Variants in FOXP2 observed in about 807,000 individuals in gnomAD.
FOXP2 encodes forkhead box P2, also known as forkhead box protein P2.
FOXP2 carries 12 observed loss-of-function variants against 115.8 expected under a neutral mutation model. That is an observed-to-expected ratio of 0.10 (90% CI 0.07 to 0.17). The LOEUF (loss-of-function observed/expected upper bound fraction) is 0.17, where lower values mean the gene tolerates loss of function less well. Among genes scored for constraint, FOXP2 ranks in the 10% least tolerant of loss-of-function variants. The pLI is 1.00. For missense variants in FOXP2, 629 were observed against 843.5 expected, an observed-to-expected ratio of 0.75 and a Z score of 3.15; for synonymous variants, 328 against 297.7, an observed-to-expected ratio of 1.10 and a Z score of -1.05.
intron 2 of FOXP2, among the ~76,000 whole-genome samples, chr7:114,530,234 G>T (rs1799077150): frequency 1.3e-5 from 2 of 151,960 alleles, no homozygotes; most frequent in South Asian, 4.1e-4. Context: ...CATTTGGGCT[G>T]CATCTATTTT....
Position 114,693,542 on chromosome 7 carries a change from T to C in FOXP2, c.*3616T>C, listed in dbSNP as rs532421865. On this transcript the variant is annotated 3_prime_UTR_variant, in exon 17 of 17. Transcript: ENST00000350908. ...TAAAGCTATTGAAAGGAACATGGCT[T>C]ACCCTTGTTATTTCACTAGTTCAGG... The C allele has an allele frequency of 2.2e-6, 1 of 453,442 alleles. No homozygotes were observed. Among genetic ancestry groups the C allele is most frequent in the Admixed American group, 2.4e-5 (1 of 42,506 alleles). 28.1% of individuals were successfully genotyped at this position (453,442 alleles called of 1,614,324 possible). A position where few individuals can be genotyped will look rare whatever the true frequency, so the allele number is the denominator to read the frequency against.
At chr7:114,106,848 CT>C (rs1197004755) in intron 1 of FOXP2, among the ~76,000 whole-genome samples, 3 of 151,826 alleles carry the variant, frequency 2.0e-5, no homozygotes, top group Non-Finnish European at 2.9e-5. Context: ...ATAGAATATT[CT>C]TTTTTTAATC....
chr7:114,354,263 C>T (rs1791562297), intron 2 of FOXP2, among the ~76,000 whole-genome samples: 1 of 152,098 alleles, frequency 6.6e-6, no homozygotes, highest in Admixed American at 6.6e-5. Context: ...TGGACTCAGA[C>T]TGAATTATGC....
intron 3 of FOXP2, chr7:114,538,281 T>G: frequency 8.1e-7 from 1 of 1,227,346 alleles, no homozygotes; most frequent in South Asian, 1.3e-5. Flanking sequence ...TAATTTAGTT[T>G]AGATATGAAA....
At chr7:114,565,432 T>A (rs1230275939) in intron 3 of FOXP2, among the ~76,000 whole-genome samples, 1 of 152,134 alleles carries the variant, frequency 6.6e-6, no homozygotes, top group Non-Finnish European at 1.5e-5. Flanking sequence ...CAAAGTATGA[T>A]CATAGACCTT....
intron 3 of FOXP2, among the ~76,000 whole-genome samples, chr7:114,606,069 G>A (rs1003345525): frequency 6.6e-6 from 1 of 152,126 alleles, no homozygotes; most frequent in Admixed American, 6.5e-5. Context: ...GGACTGAAGA[G>A]GCATTATAGA....
intron 3 of FOXP2, among the ~76,000 whole-genome samples, chr7:114,564,878 C>CA (rs35022872): frequency 0.12 from 10,685 of 88,022 alleles, 815 homozygotes; most frequent in East Asian, 0.33. Context: ...AAGGCCCTGT[C>CA]AAAAAAAAAA....
At chr7:114,461,142 A>G (rs938257906) in intron 2 of FOXP2, among the ~76,000 whole-genome samples, 1 of 152,166 alleles carries the variant, frequency 6.6e-6, no homozygotes, top group Non-Finnish European at 1.5e-5. Flanking sequence ...GTATAATCAT[A>G]CCTATCTTTG....
At chr7:114,197,227 A>G (rs1465196024) in intron 1 of FOXP2, among the ~76,000 whole-genome samples, 2 of 152,102 alleles carry the variant, frequency 1.3e-5, no homozygotes, top group Non-Finnish European at 2.9e-5. Flanking sequence ...AACAAAAAAG[A>G]CCCACCTCAA....
intron 1 of FOXP2, among the ~76,000 whole-genome samples, chr7:114,105,186 GTT>G (rs1030995483): frequency 1.4e-4 from 21 of 152,018 alleles, no homozygotes; most frequent in African/African-American, 4.8e-4. Context: ...GTTTGTACCA[GTT>G]TTTGTGTAAT....
chr7:114,644,896 A>G, intron 8 of FOXP2, 107 bp downstream of exon 8: 3 of 857,776 alleles, frequency 3.5e-6, no homozygotes, highest in Non-Finnish European at 5.6e-6. Flanking sequence ...AAAGTCCATT[A>G]TAAGTCATAC....
intron 3 of FOXP2, among the ~76,000 whole-genome samples, chr7:114,552,082 C>G (rs753993389): frequency 6.6e-6 from 1 of 152,144 alleles, no homozygotes; most frequent in Non-Finnish European, 1.5e-5. Flanking sequence ...TTGATGTTAT[C>G]AGAATTTGTG....
chr7:114,562,764 T>C (rs1024524581), intron 3 of FOXP2, among the ~76,000 whole-genome samples: 3 of 86,750 alleles, frequency 3.5e-5, no homozygotes, highest in East Asian at 7.9e-4. Flanking sequence ...CAGACAATTA[T>C]CTTAACCCTG....
At position 114,415,212 on chromosome 7, in the gene FOXP2, G is replaced by A. The variant is rs1162236325; in HGVS notation, c.-159G>A. 2.2e-6 allele frequency: 1 copy of A among 454,038 alleles called. No individual in the cohort carries two copies. Among genetic ancestry groups the A allele is most frequent in the South Asian group, 1.6e-5 (1 of 64,466 alleles). The allele number at this position is 454,038 out of a possible 1,614,324, so 28.1% of individuals were successfully genotyped here. On this transcript the variant is annotated 5_prime_UTR_variant, in exon 1 of 17. Coordinates refer to ENST00000350908, the MANE Select transcript of FOXP2 (RefSeq NM_014491.4). ...CTGCTGTAAATAGTTGTCTGATGGT[G>A]GCTTTGACAGTGAGCTAGCTTCTGA...
rs546680047 is a variant in FOXP2, at chr7:114,652,149, G to T, written c.1095-54G>T. On this transcript the variant is annotated intron_variant, in intron 8 of 16. Transcript: ENST00000350908. The stretch of plus-strand genomic sequence containing the variant: ...GTAGTGCTTTTTAAGTGTAGCCTAT[G>T]CCACTAAGATCGACATCACTTTACA... The T allele has an allele frequency of 4.6e-6, 7 of 1,529,786 alleles. No homozygotes were observed. In the East Asian group the frequency reaches 1.4e-4, roughly 30 times the overall value. 94.8% of individuals were successfully genotyped at this position (1,529,786 alleles called of 1,614,324 possible).
intron 2 of FOXP2, among the ~76,000 whole-genome samples, chr7:114,405,533 G>T (rs528237966): frequency 9.2e-5 from 14 of 151,988 alleles, no homozygotes; most frequent in African/African-American, 3.4e-4. Context: ...CCAAAATAAT[G>T]AGGCTAGTAG....
rs185021653 is a variant in FOXP2, at chr7:114,682,126, A to G, written c.2004-7656A>G. On this transcript the variant is annotated intron_variant, in intron 16 of 16. Transcript: ENST00000350908. Reference sequence around the variant, plus strand: ...AGGTAGTCACTGTTTTCCTTGCTTTATGGGTAAAGAAATGGAGATACAGAG... The same window carrying G: ...AGGTAGTCACTGTTTTCCTTGCTTTGTGGGTAAAGAAATGGAGATACAGAG... 2.0e-5 allele frequency among the ~76,000 whole-genome samples: 3 copies of G among 152,216 alleles called. No individual in the cohort carries two copies. In the East Asian group the frequency reaches 5.8e-4, roughly 29 times the overall value.
intron 2 of FOXP2, among the ~76,000 whole-genome samples, chr7:114,531,512 C>A (rs560264275): frequency 6.6e-6 from 1 of 151,888 alleles, no homozygotes; most frequent in East Asian, 1.9e-4. Flanking sequence ...ATAAAAATGT[C>A]ATATGATGCA....
At chr7:114,672,253 C>T (rs1807527527) in intron 16 of FOXP2, among the ~76,000 whole-genome samples, 1 of 152,070 alleles carries the variant, frequency 6.6e-6, no homozygotes, top group Non-Finnish European at 1.5e-5. Flanking sequence ...ATTAGCAAGT[C>T]AAAGAAAGGA....
Sources: allele counts gnomAD v4.1 joint callset (sites outside exome capture counted in the v4.1 genomes callset), GRCh38; gene constraint gnomAD v4.1.1; transcripts MANE v1.5; gene names NCBI Gene and HGNC (gene_info 2026-07-23, HGNC 2026-07-21).